EVI5: variants seen among roughly 807,000 people sequenced by gnomAD.
EVI5 encodes ecotropic viral integration site 5.
A neutral mutation model predicts 112.0 loss-of-function variants in EVI5; 73 were observed. That is an observed-to-expected ratio of 0.65 (90% CI 0.54 to 0.79). EVI5 has a LOEUF of 0.79. EVI5 is among the 30% of genes least tolerant of loss of function. The pLI is 0.00. For missense variants in EVI5, 900 were observed against 968.8 expected, an observed-to-expected ratio of 0.93 and a Z score of 0.94; for synonymous variants, 305 against 319.9, an observed-to-expected ratio of 0.95 and a Z score of 0.50.
chr1:92,584,786 A>G (rs773534848), intron 18 of EVI5, among the ~76,000 whole-genome samples: 2 of 152,248 alleles, frequency 1.3e-5, no homozygotes, highest in Non-Finnish European at 2.9e-5. Context: ...TCTTTTAAAA[A>G]CCAATAATGA....
intron 2 of EVI5, among the ~76,000 whole-genome samples, chr1:92,713,534 G>C (rs1488755317): frequency 1.3e-5 from 2 of 152,048 alleles, no homozygotes; most frequent in African/African-American, 4.8e-5. Context: ...CCAGCACTTT[G>C]GGAGGCTGAA....
chr1:92,607,555 CAA>C (rs1650707604), intron 17 of EVI5, 24 bp downstream of exon 17: 3 of 1,514,294 alleles, frequency 2.0e-6, no homozygotes, highest in Non-Finnish European at 1.8e-6. Flanking sequence ...TGACAAAAAA[CAA>C]AATCAGTTAG....
In EVI5 at chr1:92,605,285, C is replaced by T. The variant is rs201115058; in HGVS notation, c.2070+22G>A. On this transcript the variant is annotated intron_variant, in intron 18 of 19. Transcript: ENST00000684568. ...AGAAGAAACTATATTTTTACATGTA[C>T]TTTATTATTTTCATATGGTACCTGG... 29 of 1,488,404 alleles carry T rather than the reference C, an allele frequency of 1.9e-5. No individual in the cohort carries two copies. The African/African-American group carries it at 3.6e-4, about 18-fold the overall frequency. The allele number at this position is 1,488,404 out of a possible 1,614,324, so 92.2% of individuals were successfully genotyped here. A position where few individuals can be genotyped will look rare whatever the true frequency, so the allele number is the denominator to read the frequency against.
intron 14 of EVI5, among the ~76,000 whole-genome samples, chr1:92,632,842 T>C (rs1263906597): frequency 6.6e-6 from 1 of 152,218 alleles, no homozygotes; most frequent in Non-Finnish European, 1.5e-5. Context: ...CACACTGCTT[T>C]GAATGTGTCC....
intron 2 of EVI5, among the ~76,000 whole-genome samples, chr1:92,711,328 G>A (rs987631320): frequency 6.6e-5 from 10 of 152,146 alleles, no homozygotes; most frequent in African/African-American, 2.4e-4. Flanking sequence ...AACTTCTTGA[G>A]TATCCTATTG....
chr1:92,539,557 A>C (rs1414650270), intron 19 of EVI5, among the ~76,000 whole-genome samples: 1 of 57,852 alleles, frequency 1.7e-5, no homozygotes, highest in African/African-American at 9.3e-5. Context: ...AAAAAAAAAA[A>C]AAAAAAAAAT....
At chr1:92,789,279 A>G (rs1007007653), upstream of EVI5, among the ~76,000 whole-genome samples, 4 of 149,118 alleles carry the variant, frequency 2.7e-5, no homozygotes, top group Admixed American at 2.0e-4. Flanking sequence ...CTGGACTTGG[A>G]CTCCTGAATT....
chr1:92,595,793 C>G (rs954010400), intron 18 of EVI5, among the ~76,000 whole-genome samples: 2 of 152,050 alleles, frequency 1.3e-5, no homozygotes, highest in African/African-American at 4.8e-5. Context: ...AATTTTGTCC[C>G]CAACGCTAGG....
At chr1:92,721,877 A>C (rs1674807690) in intron 2 of EVI5, among the ~76,000 whole-genome samples, 1 of 152,168 alleles carries the variant, frequency 6.6e-6, no homozygotes, top group South Asian at 2.1e-4. Context: ...GTAAAAATAA[A>C]TTCAACTTTG....
At chr1:92,630,221 T>C (rs1305888710) in intron 14 of EVI5, among the ~76,000 whole-genome samples, 1 of 152,218 alleles carries the variant, frequency 6.6e-6, no homozygotes, top group Admixed American at 6.5e-5. Context: ...TTTCTAGTTC[T>C]AGATCCCTGA....
At chr1:92,535,082 GA>G (rs1157378748) in intron 19 of EVI5, among the ~76,000 whole-genome samples, 3 of 149,592 alleles carry the variant, frequency 2.0e-5, no homozygotes, top group African/African-American at 4.9e-5. Context: ...AAATTTACAA[GA>G]AAAAAAAACC....
chr1:92,781,286 T>G (rs531297872), intron 1 of EVI5, among the ~76,000 whole-genome samples: 1 of 152,062 alleles, frequency 6.6e-6, no homozygotes, highest in South Asian at 2.1e-4. Context: ...GAGGGCAGAT[T>G]GCTTGAGCCC....
upstream of EVI5, among the ~76,000 whole-genome samples, chr1:92,789,169 C>G (rs1685899210): frequency 6.6e-6 from 1 of 152,100 alleles, no homozygotes; most frequent in Non-Finnish European, 1.5e-5. Context: ...GAGAGCTTCA[C>G]AATGATTGAA....
chr1:92,784,055 C>T (rs1166913641), intron 1 of EVI5, among the ~76,000 whole-genome samples: 1 of 152,164 alleles, frequency 6.6e-6, no homozygotes, highest in East Asian at 1.9e-4. Context: ...CAAGAAAATA[C>T]TTCTTTTCGA....
intron 1 of EVI5, among the ~76,000 whole-genome samples, chr1:92,755,025 C>T (rs1680712607): frequency 6.8e-6 from 1 of 146,086 alleles, no homozygotes; most frequent in African/African-American, 2.5e-5. Flanking sequence ...TTTACAAGTA[C>T]ATTTATAATG....
At chr1:92,655,571 A>C (rs1662858521) in intron 13 of EVI5, among the ~76,000 whole-genome samples, 1 of 152,206 alleles carries the variant, frequency 6.6e-6, no homozygotes, top group African/African-American at 2.4e-5. Flanking sequence ...AGGATGATCC[A>C]GTAATATGCT....
intron 19 of EVI5, among the ~76,000 whole-genome samples, chr1:92,524,185 CAT>C (rs1316246791): frequency 6.9e-6 from 1 of 143,892 alleles, no homozygotes; most frequent in East Asian, 2.0e-4. Flanking sequence ...TACTCTTGAA[CAT>C]ATGAATTCAG....
chr1:92,564,675 G>C (rs990127835), intron 18 of EVI5, among the ~76,000 whole-genome samples: 4 of 126,092 alleles, frequency 3.2e-5, no homozygotes, highest in African/African-American at 6.3e-5. Flanking sequence ...TTATTTTTCA[G>C]ATAAAGATTT....
intron 19 of EVI5, among the ~76,000 whole-genome samples, chr1:92,546,690 T>A (rs11164773): frequency 6.6e-6 from 1 of 151,980 alleles, no homozygotes; most frequent in Non-Finnish European, 1.5e-5. Context: ...AGCAAGACTC[T>A]ATCTCAAAAA....
Sources: allele counts gnomAD v4.1 joint callset (sites outside exome capture counted in the v4.1 genomes callset), GRCh38; gene constraint gnomAD v4.1.1; transcripts MANE v1.5; gene names NCBI Gene and HGNC (gene_info 2026-07-23, HGNC 2026-07-21).